Variants in EPHA6 observed in about 807,000 individuals in gnomAD.
The protein encoded by EPHA6 is ephrin type-A receptor 6.
EPHA6 carries 50 observed loss-of-function variants against 112.0 expected under a neutral mutation model. That is an observed-to-expected ratio of 0.45 (90% confidence interval 0.36 to 0.56). EPHA6 has a LOEUF of 0.56. Ranked by LOEUF, EPHA6 falls within the 20% of genes least tolerant of loss-of-function variation. EPHA6 has a pLI of 0.00. For missense variants in EPHA6, 1,280 were observed against 1,417.4 expected (o/e 0.90, Z 1.56); for synonymous variants, 529 against 490.7 (o/e 1.08, Z -1.03).
intron 3 of EPHA6, among the ~76,000 whole-genome samples, chr3:97,202,510 T>G (rs2077602015): frequency 6.6e-6 from 1 of 152,172 alleles, no homozygotes; most frequent in Non-Finnish European, 1.5e-5. Context: ...TTTTTTGTAT[T>G]TTTATTGGAG....
intron 14 of EPHA6, among the ~76,000 whole-genome samples, chr3:97,667,452 T>C (rs2030264587): frequency 6.6e-6 from 1 of 152,218 alleles, no homozygotes; most frequent in African/African-American, 2.4e-5. Flanking sequence ...TTGAAATGAC[T>C]TCACAGATAT....
intron 3 of EPHA6, among the ~76,000 whole-genome samples, chr3:97,145,537 T>TAA (rs543752436): frequency 3.4e-5 from 5 of 145,748 alleles, no homozygotes; most frequent in African/African-American, 9.9e-5. Flanking sequence ...TGACAACAGT[T>TAA]AAAAAAAAAA....
intron 3 of EPHA6, among the ~76,000 whole-genome samples, chr3:97,014,036 T>G (rs2044180468): frequency 6.6e-6 from 1 of 152,140 alleles, no homozygotes; most frequent in Non-Finnish European, 1.5e-5. Context: ...TGGTGAATAT[T>G]TTATCATTAT....
chr3:97,551,118 C>G (rs1400449193), intron 11 of EPHA6, among the ~76,000 whole-genome samples: 2 of 152,124 alleles, frequency 1.3e-5, no homozygotes, highest in Non-Finnish European at 1.5e-5. Context: ...ACTTTTAACT[C>G]TCTATATTAT....
At chr3:97,045,423 T>G (rs570108663) in intron 3 of EPHA6, among the ~76,000 whole-genome samples, 1 of 152,012 alleles carries the variant, frequency 6.6e-6, no homozygotes, top group South Asian at 2.1e-4. Context: ...TCAACACTTA[T>G]CTGACATAGT....
chr3:97,529,852 G>A (rs1560104417), intron 10 of EPHA6, among the ~76,000 whole-genome samples: 1 of 151,960 alleles, frequency 6.6e-6, no homozygotes, highest in Non-Finnish European at 1.5e-5. Context: ...CCTGCCTGGT[G>A]TTAATAAGAT....
At chr3:97,164,795 G>A (rs1011661456) in intron 3 of EPHA6, among the ~76,000 whole-genome samples, 1 of 151,864 alleles carries the variant, frequency 6.6e-6, no homozygotes, top group African/African-American at 2.4e-5. Flanking sequence ...TATTGGCTCT[G>A]CTTTCATGAT....
intron 5 of EPHA6, among the ~76,000 whole-genome samples, chr3:97,372,983 A>C (rs1324711565): frequency 6.6e-6 from 1 of 152,148 alleles, no homozygotes; most frequent in Non-Finnish European, 1.5e-5. Context: ...CCACTTGTTA[A>C]AAGTAGGTGA....
At chr3:97,589,244 C>A (rs1266057139) in intron 11 of EPHA6, among the ~76,000 whole-genome samples, 4 of 151,526 alleles carry the variant, frequency 2.6e-5, no homozygotes, top group African/African-American at 9.7e-5. Context: ...TTCTAATGTG[C>A]CCCATAGTAG....
chr3:97,587,280 C>T (rs1273520820), intron 11 of EPHA6, among the ~76,000 whole-genome samples: 1 of 151,886 alleles, frequency 6.6e-6, no homozygotes, highest in East Asian at 1.9e-4. Flanking sequence ...TGAATGCAGA[C>T]ACTCTATTCT....
Position 97,748,726 on chromosome 3 carries a change from G to T in EPHA6, c.*25G>T. On this transcript the variant is annotated 3_prime_UTR_variant, in exon 18 of 18. Transcript: ENST00000389672. ...AAAGTACCACAAGCACCTGTGTTTT[G>T]TGCCTCAGCATTTCTAAAATGAACG... 2 of 1,247,958 alleles carry T rather than the reference G, an allele frequency of 1.6e-6. No homozygotes were observed. The highest frequency in any genetic ancestry group is 2.4e-6 in the Non-Finnish European group (2 of 849,568). 77.3% of individuals were successfully genotyped at this position (1,247,958 alleles called of 1,614,324 possible).
intron 5 of EPHA6, among the ~76,000 whole-genome samples, chr3:97,252,234 G>A (rs1307183193): frequency 1.3e-5 from 2 of 152,068 alleles, no homozygotes; most frequent in Non-Finnish European, 2.9e-5. Flanking sequence ...GGATACTTGA[G>A]CAGAAAAATG....
chr3:96,835,492 T>C (rs1373606954), intron 1 of EPHA6, among the ~76,000 whole-genome samples: 1 of 151,784 alleles, frequency 6.6e-6, no homozygotes, highest in African/African-American at 2.4e-5. Flanking sequence ...GGATGGAAAA[T>C]TCATATGGGG....
rs183606673 is a variant in EPHA6, at chr3:97,604,327, G to C, written c.2513-6466G>C. Among the ~76,000 whole-genome samples, 89 of 151,676 alleles carry C rather than the reference G, an allele frequency of 5.9e-4. No individual in the cohort carries two copies. The South Asian group carries it at 6.8e-3, about 12-fold the overall frequency. On this transcript the variant is annotated intron_variant, in intron 12 of 17. Transcript: ENST00000389672. ...TACTGTGCTGGGTGAGCAAAATATA[G>C]AGTAACCAATCATCCTAGTTTGCCT... is the stretch of plus-strand genomic sequence containing the variant.
intron 2 of EPHA6, among the ~76,000 whole-genome samples, chr3:96,923,265 A>G (rs1487694443): frequency 2.0e-5 from 3 of 152,204 alleles, no homozygotes; most frequent in South Asian, 4.1e-4. Flanking sequence ...CAACAATGAA[A>G]AAAACATTTT....
chr3:97,611,661 A>G (rs897237925), intron 13 of EPHA6, among the ~76,000 whole-genome samples: 33 of 151,906 alleles, frequency 2.2e-4, no homozygotes, highest in African/African-American at 7.5e-4. Context: ...TATTTTTAAT[A>G]TCTATCTATC....
chr3:97,676,187 T>C (rs1365864375), intron 14 of EPHA6, among the ~76,000 whole-genome samples: 1 of 152,016 alleles, frequency 6.6e-6, no homozygotes, highest in African/African-American at 2.4e-5. Context: ...CTGAATGATA[T>C]TGCCAAGAGA....
chr3:96,909,700 G>A (rs1017843256), intron 2 of EPHA6, among the ~76,000 whole-genome samples: 1 of 151,830 alleles, frequency 6.6e-6, no homozygotes, highest in African/African-American at 2.4e-5. Context: ...CCCTTATAGT[G>A]CCTTAAGGTG....
chr3:97,041,750 C>G (rs2045323148), intron 3 of EPHA6, among the ~76,000 whole-genome samples: 1 of 152,086 alleles, frequency 6.6e-6, no homozygotes, highest in Non-Finnish European at 1.5e-5. Context: ...GAAGGGGAAG[C>G]AGGAAAGTCT....
Sources: allele counts gnomAD v4.1 joint callset (sites outside exome capture counted in the v4.1 genomes callset), GRCh38; gene constraint gnomAD v4.1.1; transcripts MANE v1.5; gene names NCBI Gene and HGNC (gene_info 2026-07-23, HGNC 2026-07-21).